Variants in SYS1 observed in about 807,000 individuals in gnomAD.
SYS1 encodes protein SYS1 homolog.
In SYS1, 8 loss-of-function variants were observed where a neutral mutation model predicts 17.8. That is an observed-to-expected ratio of 0.45 (90% CI 0.26 to 0.81). The LOEUF is 0.81. Among genes scored for constraint, SYS1 ranks in the 40% least tolerant of loss-of-function variants. The pLI is 0.16. For synonymous variants in SYS1, 95 were observed against 90.9 expected (o/e 1.05, Z -0.26); for missense variants, 161 against 203.9 (o/e 0.79, Z 1.28).
chr20:45,373,813 T>A, downstream of SYS1: 1 of 1,235,922 alleles, frequency 8.1e-7, no homozygotes, highest in Non-Finnish European at 1.2e-6. Context: ...CGACACAGGC[T>A]CCCTCTACCG....
At chr20:45,364,006 A>G (rs1428973165) in intron 2 of SYS1, among the ~76,000 whole-genome samples, 1 of 152,164 alleles carries the variant, frequency 6.6e-6, no homozygotes, top group Non-Finnish European at 1.5e-5. Flanking sequence ...CAGGTGCCAC[A>G]TCGGAGAGAG....
intron 3 of SYS1, chr20:45,374,232 C>CT (rs984100625): frequency 8.7e-6 from 6 of 686,752 alleles, no homozygotes; most frequent in African/African-American, 5.4e-5. Flanking sequence ...GTATTTTCTT[C>CT]TTTTTTTGCT....
chr20:45,370,529 C>T (rs922981199), downstream of SYS1, among the ~76,000 whole-genome samples: 1 of 152,130 alleles, frequency 6.6e-6, no homozygotes, highest in African/African-American at 2.4e-5. Flanking sequence ...CTCTAGGCAG[C>T]CCTGTCCATA....
At chr20:45,374,676 T>C in exon 4 of SYS1, 1 of 424,268 alleles carries the variant, frequency 2.4e-6, no homozygotes. Flanking sequence ...CTTGACCATC[T>C]CCCCCCTCCC....
downstream of SYS1, chr20:45,373,934 C>T: frequency 6.2e-7 from 1 of 1,614,080 alleles, no homozygotes; most frequent in Non-Finnish European, 8.5e-7. Flanking sequence ...AATTTCGCCA[C>T]CCATTCCTCC....
rs1052073914 is a variant in SYS1, at chr20:45,365,535, C to T, written c.163-84C>T. ...TATCTTCTGTGCTCTGGGAAGAATG[C>T]TTGTTCCTTAGGAGGCTTGCTGAGA... On this transcript the variant is annotated intron_variant, in intron 2 of 3. Coordinates refer to ENST00000243918, the MANE Select transcript of SYS1 (RefSeq NM_033542.4). 5 of 1,326,082 alleles carry T rather than the reference C, an allele frequency of 3.8e-6. No individual in the cohort carries two copies. In the South Asian group the frequency reaches 4.7e-5, roughly 12 times the overall value. The allele number at this position is 1,326,082 out of a possible 1,614,324, so 82.1% of individuals were successfully genotyped here.
At chr20:45,362,765 G>A (rs900410005), upstream of SYS1, among the ~76,000 whole-genome samples, 1 of 152,174 alleles carries the variant, frequency 6.6e-6, no homozygotes, top group East Asian at 1.9e-4. Context: ...TGTACAGCGG[G>A]AACATTGGCA....
Position 45,367,885 on chromosome 20 carries a change from C to T in SYS1, c.*770C>T, listed in dbSNP as rs1368075903. On this transcript the variant is annotated 3_prime_UTR_variant, in exon 4 of 4. Coordinates refer to ENST00000243918, the MANE Select transcript of SYS1 (RefSeq NM_033542.4). ...CCTGTCTTCTAGGAATGACCAGGCA[C>T]CCAGCTCCCACTGGACTCCAATTTT... 1 of 985,712 alleles carries T rather than the reference C, an allele frequency of 1.0e-6. No homozygotes were observed. The highest frequency in any genetic ancestry group is 6.2e-5 in the Admixed American group (1 of 16,260). The allele number at this position is 985,712 out of a possible 1,614,324, so 61.1% of individuals were successfully genotyped here.
At position 45,363,603 on chromosome 20, in the gene SYS1, C is replaced by G. The variant is rs746529142; in HGVS notation, c.72C>G (p.Thr24=). The G allele has an allele frequency of 2.1e-5, 34 of 1,604,336 alleles. No homozygotes were observed. The highest frequency in any genetic ancestry group is 2.9e-5 in the Non-Finnish European group (34 of 1,175,860). The change falls in exon 2 of 4, where the codon ACC becomes ACG. Residue 24 remains threonine (T), a synonymous_variant. Coordinates refer to ENST00000243918, the MANE Select transcript of SYS1 (RefSeq NM_033542.4). ...LILSQIVLMQ[T]VYYGSLGLWL... is the part of the protein sequence containing the mutation. ...TGTCGCAGATCGTCCTCATGCAGACCGTGTATTACGGCTCGCTGGGCCTGT... is the reference window on the plus strand; with the variant it reads ...TGTCGCAGATCGTCCTCATGCAGACGGTGTATTACGGCTCGCTGGGCCTGT...
chr20:45,375,355 T>C (rs1176771672), exon 4 of SYS1: 1 of 1,614,052 alleles, frequency 6.2e-7, no homozygotes, highest in Non-Finnish European at 8.5e-7. Context: ...ATGCTTTTCT[T>C]TCCGTGGCAT....
Position 45,365,639 on chromosome 20 carries a change from T to C in SYS1, c.183T>C (p.Pro61=). The C allele has an allele frequency of 6.2e-7, 1 of 1,614,124 alleles. No individual in the cohort carries two copies. Among genetic ancestry groups the C allele is most frequent in the Non-Finnish European group, 8.5e-7 (1 of 1,180,004 alleles). The change falls in exon 3 of 4, where the codon CCT becomes CCC. Residue 61 remains proline, a synonymous_variant. Coordinates refer to ENST00000243918, the MANE Select transcript of SYS1 (RefSeq NM_033542.4). ...FDAEILGFST[P]PGRLSMMSFI... ...CTCAGATCCTGGGCTTTTCCACCCCTCCAGGCCGGCTCTCCATGATGTCCT... is the reference window on the plus strand; with the variant it reads ...CTCAGATCCTGGGCTTTTCCACCCCCCCAGGCCGGCTCTCCATGATGTCCT...
At chr20:45,362,093 G>A, upstream of SYS1, 1 of 873,708 alleles carries the variant, frequency 1.1e-6, no homozygotes, top group Non-Finnish European at 1.4e-6. Flanking sequence ...TTTACTGACT[G>A]TCCACTATTC....
intron 2 of SYS1, among the ~76,000 whole-genome samples, chr20:45,364,693 G>C (rs952328010): frequency 6.6e-6 from 1 of 151,760 alleles, no homozygotes; most frequent in African/African-American, 2.4e-5. Flanking sequence ...GGATGGTCTC[G>C]ATCTCCTGAC....
At chr20:45,364,654 G>T (rs183140983) in intron 2 of SYS1, among the ~76,000 whole-genome samples, 5,549 of 151,658 alleles carry the variant, frequency 0.037, 362 homozygotes, top group African/African-American at 0.13. Flanking sequence ...TGTATTTTTA[G>T]TAGAGACGGG....
rs1988443376 is a variant in SYS1 at position 45,367,114 on chromosome 20, A to G, written c.470A>G (p.Ter157TrpextTer9). 1 of 1,614,038 alleles carries G rather than the reference A, an allele frequency of 6.2e-7. No individual in the cohort carries two copies. The highest frequency in any genetic ancestry group is 8.5e-7 in the Non-Finnish European group (1 of 1,180,004). Reference protein sequence around the residue: ...PLNSAPKSNV* With the variant: ...PLNSAPKSNVW ...AACTCAGCCCCTAAATCCAATGTCT[A>G]GAATCAGGCCCTTTGGACATCCTGC... The change falls in exon 4 of 4, where the codon TAG becomes TGG. Residue 157 changes from the stop codon to tryptophan, a stop_lost. Transcript: ENST00000243918.
At position 45,368,128 on chromosome 20, in the gene SYS1, T is replaced by G. The variant is rs1441983529; in HGVS notation, c.*1013T>G. ...GTATTTTCCATGGTTCTGCCTGCAC[T>G]TACTTTGTAATGCCACGGTTGAGAT... On this transcript the variant is annotated 3_prime_UTR_variant, in exon 4 of 4. Coordinates refer to ENST00000243918, the MANE Select transcript of SYS1 (RefSeq NM_033542.4). 2 of 985,358 alleles carry G rather than the reference T, an allele frequency of 2.0e-6. No individual in the cohort carries two copies. Among genetic ancestry groups the G allele is most frequent in the African/African-American group, 1.7e-5 (1 of 57,240 alleles). 61.0% of individuals were successfully genotyped at this position (985,358 alleles called of 1,614,324 possible). A position where few individuals can be genotyped will look rare whatever the true frequency, so the allele number is the denominator to read the frequency against.
At chr20:45,366,088 A>G (rs1988403588) in intron 3 of SYS1, among the ~76,000 whole-genome samples, 1 of 152,184 alleles carries the variant, frequency 6.6e-6, no homozygotes, top group South Asian at 2.1e-4. Context: ...CTAAGGTCAC[A>G]CGTAATCATT....
rs1462968318 is a variant in SYS1, at chr20:45,363,313, C to T, written c.-6C>T. The T allele has an allele frequency of 7.3e-7, 1 of 1,377,164 alleles. No homozygotes were observed. Among genetic ancestry groups the T allele is most frequent in the Non-Finnish European group, 9.4e-7 (1 of 1,064,814 alleles). 85.3% of individuals were successfully genotyped at this position (1,377,164 alleles called of 1,614,324 possible). On this transcript the variant is annotated splice_region_variant and 5_prime_UTR_variant, in exon 1 of 4. Transcript: ENST00000243918. ...GACACTTCGATCGTCGAGTCTGTCA[C>T]TGGTGAGTAGACCCCAGAGGAGCTC...
chr20:45,375,879 A>C, exon 4 of SYS1: 1 of 263,498 alleles, frequency 3.8e-6, no homozygotes, highest in East Asian at 8.7e-5. Context: ...GTTTTTCTAA[A>C]TTGTGCTCCA....
Sources: allele counts gnomAD v4.1 joint callset (sites outside exome capture counted in the v4.1 genomes callset), GRCh38; gene constraint gnomAD v4.1.1; transcripts MANE v1.5; gene names NCBI Gene and HGNC (gene_info 2026-07-23, HGNC 2026-07-21).